ADORA2B: variants seen among roughly 807,000 people sequenced by gnomAD.
The protein encoded by ADORA2B is adenosine receptor A2b.
Under a neutral mutation model 20.8 loss-of-function variants are expected in ADORA2B, and 18 were observed. The observed-to-expected ratio is 0.87, with a 90% CI of 0.60 to 1.29. The LOEUF is 1.29. Among genes scored for constraint, ADORA2B ranks in the 50% most tolerant of loss-of-function variants. The probability of loss-of-function intolerance (pLI) is 0.00; values close to 1 mark genes in which losing one functional copy is unlikely to be tolerated. For synonymous variants in ADORA2B, 179 were observed against 178.3 expected (o/e 1.00, Z -0.03); for missense variants, 441 against 422.7 (o/e 1.04, Z -0.38).
the ADORA2B span, among the ~76,000 whole-genome samples, chr17:15,869,320 AAATAATAATAATAAT>A: frequency 1.8e-4 from 27 of 149,184 alleles, no homozygotes; most frequent in East Asian, 4.1e-3. Context: ...ACTCCATCTC[AAATAATAATAATAAT>A]AATAATTATT....
chr17:15,944,313 C>G (rs774968335), upstream of ADORA2B, among the ~76,000 whole-genome samples: 1 of 152,064 alleles, frequency 6.6e-6, no homozygotes, highest in Non-Finnish European at 1.5e-5. The surrounding 1 kb of genome is among the most constrained non-coding windows in gnomAD (Gnocchi z 4.8). Context: ...CCTCAGGAGG[C>G]TGTTAGGGCT....
At chr17:15,885,053 C>T in the ADORA2B span, among the ~76,000 whole-genome samples, 1 of 152,208 alleles carries the variant, frequency 6.6e-6, no homozygotes, top group Non-Finnish European at 1.5e-5. Flanking sequence ...TAAAAGCATT[C>T]CTTTTACTCC....
chr17:15,904,668 G>A, the ADORA2B span, among the ~76,000 whole-genome samples: 33,137 of 152,048 alleles, frequency 0.22, 3,953 homozygotes, highest in Non-Finnish European at 0.27. Flanking sequence ...GAGCCACCGC[G>A]CCCGGCCTGT....
chr17:15,934,164 C>T, the ADORA2B span, among the ~76,000 whole-genome samples: 1 of 151,958 alleles, frequency 6.6e-6, no homozygotes, highest in African/African-American at 2.4e-5. Context: ...ATAATTAAAT[C>T]TTATTCATTA....
At chr17:15,947,379 G>A (rs1353696308) in intron 1 of ADORA2B, among the ~76,000 whole-genome samples, 1 of 152,260 alleles carries the variant, frequency 6.6e-6, no homozygotes, top group Non-Finnish European at 1.5e-5. Context: ...GCCACAGGGA[G>A]CAGGAAGTTC....
the ADORA2B span, among the ~76,000 whole-genome samples, chr17:15,928,421 G>A: frequency 2.1e-4 from 32 of 152,212 alleles, no homozygotes; most frequent in Admixed American, 7.2e-4. Context: ...CAGGGAGACG[G>A]GGAAGGAGCC....
the ADORA2B span, among the ~76,000 whole-genome samples, chr17:15,866,371 G>A: frequency 2.6e-5 from 4 of 152,122 alleles, no homozygotes; most frequent in African/African-American, 7.2e-5. Flanking sequence ...GTCTCATTGA[G>A]GTTTTGATTT....
chr17:15,951,922 A>G (rs1969908772), intron 1 of ADORA2B, among the ~76,000 whole-genome samples: 1 of 152,172 alleles, frequency 6.6e-6, no homozygotes, highest in South Asian at 2.1e-4. Flanking sequence ...CCCAGAGGGC[A>G]GAGGCCTCCT....
the ADORA2B span, among the ~76,000 whole-genome samples, chr17:15,897,319 G>T: frequency 3.9e-5 from 6 of 152,132 alleles, no homozygotes; most frequent in Non-Finnish European, 7.4e-5. Flanking sequence ...TGTAATCCCA[G>T]TACTAAGGGA....
intron 1 of ADORA2B, among the ~76,000 whole-genome samples, chr17:15,958,130 T>C (rs1474303682): frequency 1.3e-5 from 2 of 152,112 alleles, no homozygotes; most frequent in Non-Finnish European, 2.9e-5. Flanking sequence ...ACGATTCTCC[T>C]GCCTCAGCCT....
the ADORA2B span, among the ~76,000 whole-genome samples, chr17:15,854,662 A>G: frequency 2.0e-5 from 3 of 152,256 alleles, no homozygotes; most frequent in African/African-American, 2.4e-5. Context: ...TATGTGAGAC[A>G]TGGATACATG....
the ADORA2B span, among the ~76,000 whole-genome samples, chr17:15,928,495 G>A: frequency 1.2e-4 from 18 of 152,112 alleles, no homozygotes; most frequent in African/African-American, 2.2e-4. Flanking sequence ...GAGGCGTGTC[G>A]TTGCTTCCTA....
chr17:15,886,042 A>G, the ADORA2B span, among the ~76,000 whole-genome samples: 1 of 152,222 alleles, frequency 6.6e-6, no homozygotes, highest in Non-Finnish European at 1.5e-5. Flanking sequence ...GTGAAACCAT[A>G]TACCATAAGC....
At chr17:15,919,961 G>A in the ADORA2B span, among the ~76,000 whole-genome samples, 26 of 152,302 alleles carry the variant, frequency 1.7e-4, no homozygotes, top group East Asian at 3.7e-3. Flanking sequence ...TAGCGTCAGC[G>A]TGAAATCCTG....
the ADORA2B span, among the ~76,000 whole-genome samples, chr17:15,874,087 T>C: frequency 2.8e-5 from 4 of 140,388 alleles, no homozygotes; most frequent in South Asian, 4.4e-4. Context: ...TATATGTATA[T>C]ATATGTATAC....
the ADORA2B span, among the ~76,000 whole-genome samples, chr17:15,855,781 T>A: frequency 9.9e-5 from 15 of 152,250 alleles, no homozygotes; most frequent in Non-Finnish European, 2.1e-4. Flanking sequence ...TGGGGTACAA[T>A]TGATCCCATC....
chr17:15,879,827 G>A, the ADORA2B span, among the ~76,000 whole-genome samples: 3 of 149,074 alleles, frequency 2.0e-5, no homozygotes, highest in South Asian at 2.1e-4. Context: ...ATCAGCCACC[G>A]CACCCGGCCA....
the ADORA2B span, among the ~76,000 whole-genome samples, chr17:15,875,939 T>A: frequency 6.6e-6 from 1 of 152,242 alleles, no homozygotes; most frequent in Non-Finnish European, 1.5e-5. Flanking sequence ...TTGTGAGATA[T>A]CCCCACATAT....
the ADORA2B span, among the ~76,000 whole-genome samples, chr17:15,885,997 C>T: frequency 1.3e-5 from 2 of 152,168 alleles, no homozygotes; most frequent in African/African-American, 2.4e-5. Context: ...CAGTTCTTAG[C>T]GTGGCCAGTT....
Sources: gnomAD v4.1 joint callset for allele counts (sites outside exome capture counted in the v4.1 genomes callset) on GRCh38, gnomAD v4.1.1 for gene constraint, Gnocchi (gnomAD v3.1) non-coding constraint, MANE v1.5 for transcripts, NCBI Gene and HGNC (gene_info 2026-07-23, HGNC 2026-07-21) for gene names.